Variants in ATXN1 observed in about 807,000 individuals in gnomAD.
ATXN1 encodes ataxin-1.
ATXN1 carries 8 observed loss-of-function variants against 56.4 expected under a neutral mutation model. The ratio of observed to expected loss-of-function variants is 0.14; its 90% CI spans 0.08 to 0.26. The LOEUF is 0.26. Ranked by LOEUF, ATXN1 falls within the 10% of genes least tolerant of loss-of-function variation. The probability of loss-of-function intolerance (pLI) is 1.00; values close to 1 mark genes in which losing one functional copy is unlikely to be tolerated. For synonymous variants in ATXN1, 514 were observed against 494.6 expected, an observed-to-expected ratio of 1.04 and a Z score of -0.52; for missense variants, 987 against 1,106.5, an observed-to-expected ratio of 0.89 and a Z score of 1.53.
intron 6 of ATXN1, among the ~76,000 whole-genome samples, chr6:16,412,339 C>T (rs73366705): frequency 0.014 from 2,144 of 152,254 alleles, 55 homozygotes; most frequent in African/African-American, 0.048. Flanking sequence ...CAGCCTCCTG[C>T]GTGTCCCTTA....
At chr6:16,426,793 C>T (rs1759165797) in intron 6 of ATXN1, among the ~76,000 whole-genome samples, 1 of 151,878 alleles carries the variant, frequency 6.6e-6, no homozygotes, top group African/African-American at 2.4e-5. Context: ...TATCCAGCAT[C>T]CCCTTGCTGC....
In ATXN1 at chr6:16,471,191, AACAC is replaced by A. The variant is rs5874560; in HGVS notation, c.-161+14777_-161+14780del. Among the ~76,000 whole-genome samples the A allele has an allele frequency of 2.5e-3, 372 of 148,090 alleles. 7 individuals carry two copies. The East Asian group carries it at 0.038, about 15-fold the overall frequency. ...TATCTGAAAGACTTCTGGCAATTAAAACACACACACACACACACACACACACACA... is the reference window on the plus strand; with the variant it reads ...TATCTGAAAGACTTCTGGCAATTAAAACACACACACACACACACACACACA... On this transcript the variant is annotated intron_variant, in intron 6 of 7. Coordinates refer to ENST00000436367, the MANE Select transcript of ATXN1 (RefSeq NM_001128164.2).
intron 6 of ATXN1, among the ~76,000 whole-genome samples, chr6:16,416,051 A>G (rs1758898370): frequency 6.6e-6 from 1 of 151,434 alleles, no homozygotes; most frequent in Admixed American, 6.6e-5. Flanking sequence ...GATCGTCAGG[A>G]AAGTGTTTAA....
At chr6:16,387,404 G>A (rs1387651055) in intron 6 of ATXN1, among the ~76,000 whole-genome samples, 1 of 152,208 alleles carries the variant, frequency 6.6e-6, no homozygotes, top group Admixed American at 6.5e-5. Context: ...AGTTCACTGT[G>A]GAAGACCTCT....
chr6:16,429,434 T>A (rs933134883), intron 6 of ATXN1, among the ~76,000 whole-genome samples: 1 of 148,754 alleles, frequency 6.7e-6, no homozygotes, highest in African/African-American at 2.5e-5. Flanking sequence ...CGTTTTTTTT[T>A]TTTTTTTTTG....
intron 2 of ATXN1, among the ~76,000 whole-genome samples, chr6:16,702,521 A>C (rs189637755): frequency 5.5e-4 from 84 of 152,364 alleles, no homozygotes; most frequent in Middle Eastern, 3.4e-3. Context: ...TGCACAGCCA[A>C]AGAAACTACC....
chr6:16,700,089 T>C (rs772970570), intron 2 of ATXN1, among the ~76,000 whole-genome samples: 2 of 152,168 alleles, frequency 1.3e-5, no homozygotes, highest in Non-Finnish European at 2.9e-5. Flanking sequence ...TCAGTGACAT[T>C]TTTATGAAAC....
chr6:16,716,352 A>C (rs966542484), intron 2 of ATXN1, among the ~76,000 whole-genome samples: 2 of 152,232 alleles, frequency 1.3e-5, no homozygotes, highest in African/African-American at 4.8e-5. Context: ...CCACTAAAGA[A>C]GCTTTCTTTC....
chr6:16,357,813 G>A (rs1457197116), intron 6 of ATXN1, among the ~76,000 whole-genome samples: 1 of 152,172 alleles, frequency 6.6e-6, no homozygotes, highest in Non-Finnish European at 1.5e-5. Flanking sequence ...GCTCTCAGGT[G>A]GGAATAGGAA....
chr6:16,561,036 C>A (rs1158091377), intron 4 of ATXN1, among the ~76,000 whole-genome samples: 2 of 151,986 alleles, frequency 1.3e-5, no homozygotes, highest in Non-Finnish European at 2.9e-5. Context: ...GCTTTGTATA[C>A]AATGTAGAGA....
intron 4 of ATXN1, among the ~76,000 whole-genome samples, chr6:16,529,980 T>C (rs1761471209): frequency 6.6e-6 from 1 of 152,204 alleles, no homozygotes; most frequent in Non-Finnish European, 1.5e-5. Flanking sequence ...ATTGAGTCCG[T>C]GAATGTCCCC....
chr6:16,630,307 C>T (rs1763483261), intron 3 of ATXN1, among the ~76,000 whole-genome samples: 1 of 152,210 alleles, frequency 6.6e-6, no homozygotes, highest in African/African-American at 2.4e-5. Context: ...AGGACACTAG[C>T]CATACCGTTG....
intron 6 of ATXN1, among the ~76,000 whole-genome samples, chr6:16,436,326 G>T (rs72823522): frequency 4.3e-4 from 65 of 152,242 alleles, no homozygotes; most frequent in Middle Eastern, 3.4e-3. Flanking sequence ...GCATCCATCT[G>T]CCAGGCACTG....
chr6:16,512,826 C>G (rs1032684041), intron 5 of ATXN1, among the ~76,000 whole-genome samples: 2 of 152,328 alleles, frequency 1.3e-5, no homozygotes, highest in African/African-American at 4.8e-5. Flanking sequence ...CTTAGACCCT[C>G]TACCTGCCAT....
At chr6:16,397,220 T>C (rs1280797555) in intron 6 of ATXN1, among the ~76,000 whole-genome samples, 1 of 152,208 alleles carries the variant, frequency 6.6e-6, no homozygotes, top group Non-Finnish European at 1.5e-5. Flanking sequence ...AAATCAAACG[T>C]CCTGTTATTC....
intron 7 of ATXN1, among the ~76,000 whole-genome samples, chr6:16,313,568 T>G (rs904948276): frequency 6.6e-5 from 10 of 152,006 alleles, no homozygotes; most frequent in Non-Finnish European, 1.5e-4. Context: ...ATTTTTTTTT[T>G]TTTTTTGAGA....
chr6:16,360,681 T>C (rs1761790493), intron 6 of ATXN1, among the ~76,000 whole-genome samples: 1 of 152,244 alleles, frequency 6.6e-6, no homozygotes, highest in Non-Finnish European at 1.5e-5. Context: ...TAGCCAATCT[T>C]AGTTCCTCTA....
chr6:16,717,442 C>T (rs577079547), intron 2 of ATXN1, among the ~76,000 whole-genome samples: 51 of 152,314 alleles, frequency 3.3e-4, no homozygotes, highest in African/African-American at 1.2e-3. Context: ...CCCTGCTCAC[C>T]AAGCAAACAC....
chr6:16,416,771 G>A (rs1351258456), intron 6 of ATXN1, among the ~76,000 whole-genome samples: 1 of 152,060 alleles, frequency 6.6e-6, no homozygotes, highest in Non-Finnish European at 1.5e-5. Flanking sequence ...CTTCCTCACT[G>A]TGTTACAGCC....
Sources: allele counts gnomAD v4.1 joint callset (sites outside exome capture counted in the v4.1 genomes callset), GRCh38; gene constraint gnomAD v4.1.1; transcripts MANE v1.5; gene names NCBI Gene and HGNC (gene_info 2026-07-23, HGNC 2026-07-21).